The following IGF2BP3 variants were observed in gnomAD, a reference collection of about 807,000 sequenced individuals.
IGF2BP3 encodes insulin-like growth factor 2 mRNA-binding protein 3.
Under a neutral mutation model 73.8 loss-of-function variants are expected in IGF2BP3, and 9 were observed. That is an observed-to-expected ratio of 0.12 (90% CI 0.07 to 0.21). The LOEUF (loss-of-function observed/expected upper bound fraction) is 0.21, where lower values mean the gene tolerates loss of function less well. IGF2BP3 is among the 10% of genes least tolerant of loss of function. The pLI, the probability that IGF2BP3 is intolerant of heterozygous loss-of-function variation, is 1.00. For synonymous variants in IGF2BP3, 258 were observed against 256.7 expected, an observed-to-expected ratio of 1.01 and a Z score of -0.05; for missense variants, 542 against 714.0, an observed-to-expected ratio of 0.76 and a Z score of 2.75.
At chr7:23,313,811 A>G (rs1783898974) in intron 12 of IGF2BP3, among the ~76,000 whole-genome samples, 158 bp from the exon 13 acceptor site, 1 of 152,234 alleles carries the variant, frequency 6.6e-6, no homozygotes, top group African/African-American at 2.4e-5. Context: ...GAGCAGTTAG[A>G]AGTCCTAAAA....
At position 23,312,351 on chromosome 7, in the gene IGF2BP3, T is replaced by C. The variant is rs767321739; in HGVS notation, c.*11A>G. ...GGCATCTGCCTCTGTGGTGGGCTGTTTCCTGAGCCTTTACTTCCGTCTTGA... is the reference window on the plus strand; with the variant it reads ...GGCATCTGCCTCTGTGGTGGGCTGTCTCCTGAGCCTTTACTTCCGTCTTGA... On this transcript the variant is annotated 3_prime_UTR_variant, in exon 15 of 15. Transcript: ENST00000258729. 6.0e-5 allele frequency: 96 copies of C among 1,599,828 alleles called. No homozygotes were observed. The highest frequency in any genetic ancestry group is 7.5e-5 in the Non-Finnish European group (88 of 1,168,614).
At chr7:23,432,410 G>A (rs1406988118) in intron 2 of IGF2BP3, among the ~76,000 whole-genome samples, 2 of 152,140 alleles carry the variant, frequency 1.3e-5, no homozygotes, top group African/African-American at 4.8e-5. Context: ...ACCTAACACT[G>A]TTCGAAAGAC....
At chr7:23,398,548 A>G (rs1326816872) in intron 3 of IGF2BP3, among the ~76,000 whole-genome samples, 4 of 152,122 alleles carry the variant, frequency 2.6e-5, no homozygotes, top group Admixed American at 6.5e-5. Flanking sequence ...CAGTGTTCCT[A>G]TTTCTCCACA....
At chr7:23,358,924 C>T (rs1464671458) in intron 5 of IGF2BP3, among the ~76,000 whole-genome samples, 1 of 152,180 alleles carries the variant, frequency 6.6e-6, no homozygotes, top group African/African-American at 2.4e-5. Context: ...GGTAGTCCCT[C>T]TCCAAATATT....
chr7:23,328,162 A>G (rs1007753521), intron 10 of IGF2BP3, among the ~76,000 whole-genome samples: 2 of 152,126 alleles, frequency 1.3e-5, no homozygotes, highest in African/African-American at 4.8e-5. Context: ...GAAAAATCTC[A>G]ACTACTATCA....
intron 5 of IGF2BP3, among the ~76,000 whole-genome samples, chr7:23,358,395 G>A (rs1785147664): frequency 6.6e-6 from 1 of 152,146 alleles, no homozygotes; most frequent in African/African-American, 2.4e-5. Context: ...GAGAAACATG[G>A]AGAAATGACA....
chr7:23,433,173 T>C (rs1477735319), intron 2 of IGF2BP3, among the ~76,000 whole-genome samples: 1 of 152,226 alleles, frequency 6.6e-6, no homozygotes, highest in African/African-American at 2.4e-5. Context: ...TGAGTAGCAC[T>C]GAAAATTAAT....
chr7:23,351,707 C>G, intron 5 of IGF2BP3, 121 bp from the exon 6 acceptor site: 1 of 1,029,368 alleles, frequency 9.7e-7, no homozygotes, highest in South Asian at 1.6e-5. Flanking sequence ...GAGTGAAGCC[C>G]CAGCACAAGC....
chr7:23,410,967 T>A (rs1786998351), intron 3 of IGF2BP3, among the ~76,000 whole-genome samples: 1 of 152,138 alleles, frequency 6.6e-6, no homozygotes, highest in East Asian at 1.9e-4. Context: ...TTAAAACGTG[T>A]TAATTCAGTA....
chr7:23,412,647 C>A (rs763716566), intron 3 of IGF2BP3, among the ~76,000 whole-genome samples: 8 of 152,118 alleles, frequency 5.3e-5, no homozygotes, highest in South Asian at 4.1e-4. Flanking sequence ...CCTTCCTTGC[C>A]CTTTCCTCTA....
intron 3 of IGF2BP3, among the ~76,000 whole-genome samples, chr7:23,388,653 G>C (rs1333980070): frequency 6.6e-6 from 1 of 150,738 alleles, no homozygotes; most frequent in African/African-American, 2.4e-5. Context: ...TTCCCCAAGG[G>C]AGGAGATTTT....
chr7:23,372,838 C>A (rs910480675), intron 3 of IGF2BP3, among the ~76,000 whole-genome samples: 1 of 152,170 alleles, frequency 6.6e-6, no homozygotes, highest in Non-Finnish European at 1.5e-5. Flanking sequence ...TCTACTTTAA[C>A]TCAAATCCAC....
intron 3 of IGF2BP3, among the ~76,000 whole-genome samples, chr7:23,382,931 G>A (rs548278932): frequency 4.3e-4 from 61 of 141,064 alleles, no homozygotes; most frequent in Middle Eastern, 4.1e-3. Flanking sequence ...CAATCAGCTA[G>A]GTGCAGTGGC....
intron 3 of IGF2BP3, among the ~76,000 whole-genome samples, chr7:23,367,905 G>A (rs1422547021): frequency 6.6e-6 from 1 of 152,076 alleles, no homozygotes; most frequent in Non-Finnish European, 1.5e-5. Context: ...GGAGGCTGAG[G>A]CAGAAGAATC....
intron 3 of IGF2BP3, among the ~76,000 whole-genome samples, chr7:23,410,644 A>C (rs1346142970): frequency 1.3e-5 from 2 of 152,202 alleles, no homozygotes; most frequent in East Asian, 3.9e-4. Context: ...ACAGTTCTTT[A>C]AACAGAGAAC....
intron 10 of IGF2BP3, among the ~76,000 whole-genome samples, chr7:23,320,703 T>A (rs1477416274): frequency 6.8e-6 from 1 of 147,836 alleles, no homozygotes; most frequent in Non-Finnish European, 1.5e-5. Flanking sequence ...ATCCCAGCAC[T>A]TTGGGAGGCC....
At chr7:23,341,967 G>C in intron 10 of IGF2BP3, 97 bp downstream of exon 10, 1 of 1,304,094 alleles carries the variant, frequency 7.7e-7, no homozygotes, top group Non-Finnish European at 1.0e-6. Context: ...AAGAACTGGA[G>C]AGCATATGTT....
At chr7:23,442,931 T>A (rs934157812) in intron 2 of IGF2BP3, among the ~76,000 whole-genome samples, 1 of 152,112 alleles carries the variant, frequency 6.6e-6, no homozygotes, top group Non-Finnish European at 1.5e-5. Flanking sequence ...GTAACTAGAA[T>A]TTTATGTTTA....
chr7:23,323,986 CACCCTAACATCACAATTAAAAG>C (rs1562671978), intron 10 of IGF2BP3, among the ~76,000 whole-genome samples: 1 of 151,992 alleles, frequency 6.6e-6, no homozygotes, highest in East Asian at 1.9e-4. Flanking sequence ...CCAAAATTGA[CACCCTAACATCACAATTAAAAG>C]ACCTAGAAAA....
Sources: allele counts gnomAD v4.1 joint callset (sites outside exome capture counted in the v4.1 genomes callset), GRCh38; gene constraint gnomAD v4.1.1; transcripts MANE v1.5; gene names NCBI Gene and HGNC (gene_info 2026-07-23, HGNC 2026-07-21).